The following GRID2 variants were observed in gnomAD, a reference collection of about 807,000 sequenced individuals.
The protein encoded by GRID2 is glutamate receptor ionotropic, delta-2.
GRID2 carries 33 observed loss-of-function variants against 114.8 expected under a neutral mutation model. That is an observed-to-expected ratio of 0.29 (90% confidence interval 0.22 to 0.38). The LOEUF (loss-of-function observed/expected upper bound fraction) is 0.38. GRID2 is among the 10% of genes least tolerant of loss of function. The pLI, the probability that GRID2 is intolerant of heterozygous loss-of-function variation, is 1.00. For missense variants in GRID2, 1,184 were observed against 1,257.7 expected (o/e 0.94, Z 0.89); for synonymous variants, 505 against 449.9 (o/e 1.12, Z -1.55).
At position 93,407,220 on chromosome 4, in the gene GRID2, G is replaced by C. The variant is rs566116078; in HGVS notation, c.1347+11512G>C. 2.0e-5 allele frequency among the ~76,000 whole-genome samples: 3 copies of C among 152,230 alleles called. No individual in the cohort carries two copies. The East Asian group carries it at 5.8e-4, about 29-fold the overall frequency. On this transcript the variant is annotated intron_variant, in intron 9 of 15. Transcript: ENST00000282020. ...CTGCATTACATGGTACTCTAGGAGA[G>C]TCTGAAATGAGAATAGATATCTTCA... is the stretch of plus-strand genomic sequence containing the variant.
intron 2 of GRID2, among the ~76,000 whole-genome samples, chr4:93,056,254 T>C (rs1347318428): frequency 1.3e-5 from 2 of 152,068 alleles, no homozygotes; most frequent in East Asian, 3.9e-4. Context: ...GATCTGCACA[T>C]TGATTGTTTT....
chr4:92,691,869 T>C (rs1405856282), intron 2 of GRID2, among the ~76,000 whole-genome samples: 4 of 151,818 alleles, frequency 2.6e-5, no homozygotes, highest in Non-Finnish European at 5.9e-5. Context: ...ATAACCATTA[T>C]ATTTTGAGGC....
intron 4 of GRID2, among the ~76,000 whole-genome samples, chr4:93,188,220 T>C (rs562233514): frequency 1.3e-5 from 2 of 152,338 alleles, no homozygotes; most frequent in South Asian, 4.1e-4. Context: ...TCAGACTCTC[T>C]GGAGCTTCAT....
chr4:93,139,526 C>A lies in GRID2; in HGVS notation c.735+28573C>A, dbSNP rs76492251. On this transcript the variant is annotated intron_variant, in intron 4 of 15. Transcript: ENST00000282020. The stretch of plus-strand genomic sequence containing the variant: ...GATTCTCCCCAAGTCTAGTTAGAAA[C>A]TTCCTCCTTTGCTTTTCCATAGTCC... 2.3e-3 allele frequency among the ~76,000 whole-genome samples: 348 copies of A among 152,250 alleles called. 1 individual carries two copies. The highest frequency in any genetic ancestry group is 7.9e-3 in the African/African-American group (330 of 41,548).
rs1025074991 is a variant in GRID2, at chr4:93,588,859, C to A, written c.2194-37410C>A. 4.6e-5 allele frequency among the ~76,000 whole-genome samples: 7 copies of A among 152,008 alleles called. 1 individual carries two copies. The highest frequency in any genetic ancestry group is 1.0e-4 in the Non-Finnish European group (7 of 67,996). On this transcript the variant is annotated intron_variant, in intron 13 of 15. Coordinates refer to ENST00000282020, the MANE Select transcript of GRID2 (RefSeq NM_001510.4). ...AATCAGAACATTTGACAACACTGGA[C>A]CTGCTTTCCAGCTATACAACAAGCA...
intron 2 of GRID2, among the ~76,000 whole-genome samples, chr4:92,694,328 C>T (rs1734325925): frequency 1.3e-5 from 2 of 152,116 alleles, no homozygotes; most frequent in African/African-American, 4.8e-5. Flanking sequence ...TCTCCTGAGC[C>T]TGCTCCCTAC....
intron 2 of GRID2, among the ~76,000 whole-genome samples, chr4:92,909,121 T>G (rs533220329): frequency 1.3e-5 from 2 of 152,182 alleles, no homozygotes; most frequent in Non-Finnish European, 2.9e-5. Flanking sequence ...CCTTATCATA[T>G]CTTTAAAAGA....
At chr4:92,857,186 T>G (rs950167945) in intron 2 of GRID2, among the ~76,000 whole-genome samples, 15 of 152,146 alleles carry the variant, frequency 9.9e-5, no homozygotes, top group African/African-American at 3.6e-4. Flanking sequence ...AAGGTTGAAA[T>G]TGGGCCAATT....
chr4:93,180,070 T>G (rs1363563012), intron 4 of GRID2, among the ~76,000 whole-genome samples: 1 of 152,152 alleles, frequency 6.6e-6, no homozygotes, highest in Non-Finnish European at 1.5e-5. Flanking sequence ...AATCATCATT[T>G]ACCCAGTTAC....
At chr4:92,574,173 C>A in intron 1 of GRID2, among the ~76,000 whole-genome samples, 2 of 151,936 alleles carry the variant, frequency 1.3e-5, no homozygotes, top group South Asian at 4.2e-4. Flanking sequence ...TTTCCTCCAA[C>A]GCCTATGTGT....
At chr4:93,748,049 G>A (rs759847802) in intron 14 of GRID2, among the ~76,000 whole-genome samples, 23 of 151,986 alleles carry the variant, frequency 1.5e-4, no homozygotes, top group Admixed American at 6.6e-4. Context: ...AAGGAAATTC[G>A]ATAAACATTT....
At chr4:93,685,430 C>G (rs1039174711) in intron 14 of GRID2, among the ~76,000 whole-genome samples, 3 of 152,040 alleles carry the variant, frequency 2.0e-5, no homozygotes, top group Non-Finnish European at 2.9e-5. Flanking sequence ...ATTGCCAACT[C>G]TTTGAATTTC....
chr4:92,709,587 A>ATATATATATATATATAT (rs1296707680), intron 2 of GRID2, among the ~76,000 whole-genome samples: 1 of 119,892 alleles, frequency 8.3e-6, no homozygotes, highest in African/African-American at 3.3e-5. Context: ...AAAAAAAAAA[A>ATATATATATATATATAT]AAATATATAT....
chr4:92,736,559 A>AACCAAATACAAAAATATGCCATT lies in GRID2; in HGVS notation c.244+146285_244+146307dup, dbSNP rs1328736516. 2.0e-5 allele frequency among the ~76,000 whole-genome samples: 3 copies of AACCAAATACAAAAATATGCCATT among 152,098 alleles called. No individual in the cohort carries two copies. The East Asian group carries it at 5.8e-4, about 29-fold the overall frequency. On this transcript the variant is annotated intron_variant, in intron 2 of 15. Transcript: ENST00000282020. Reference sequence around the variant, plus strand: ...ATTCCTTTAACCTATCGAATGTCCTAACCAAATACAAAAATATGCCATTAC... The same window carrying AACCAAATACAAAAATATGCCATT: ...ATTCCTTTAACCTATCGAATGTCCTAACCAAATACAAAAATATGCCATTACCAAATACAAAAATATGCCATTAC...
At chr4:92,681,803 A>C (rs1173800352) in intron 2 of GRID2, among the ~76,000 whole-genome samples, 1 of 152,192 alleles carries the variant, frequency 6.6e-6, no homozygotes, top group Non-Finnish European at 1.5e-5. Context: ...TGGTTTGTTG[A>C]TTTAAAAATG....
intron 14 of GRID2, among the ~76,000 whole-genome samples, chr4:93,650,378 A>ATT (rs67022659): frequency 6.6e-5 from 10 of 151,736 alleles, no homozygotes; most frequent in Non-Finnish European, 1.2e-4. Context: ...AAAAGCATAG[A>ATT]TTTTTTTTTA....
At chr4:93,576,007 C>T (rs1042917249) in intron 13 of GRID2, among the ~76,000 whole-genome samples, 2 of 152,074 alleles carry the variant, frequency 1.3e-5, no homozygotes, top group Non-Finnish European at 2.9e-5. Flanking sequence ...GAGTTAAATA[C>T]ATTTTAAAAT....
In GRID2 at chr4:93,172,505, T is replaced by A. The variant is rs186924063; in HGVS notation, c.736-34899T>A. On this transcript the variant is annotated intron_variant, in intron 4 of 15. Coordinates refer to ENST00000282020, the MANE Select transcript of GRID2 (RefSeq NM_001510.4). Reference sequence around the variant, plus strand: ...TACTTGGAAGGCTGAGGCAGGAGAATCACTTGAACCTGGGAGGCACAGGTT... The same window carrying A: ...TACTTGGAAGGCTGAGGCAGGAGAAACACTTGAACCTGGGAGGCACAGGTT... Among the ~76,000 whole-genome samples, 471 of 151,584 alleles carry A rather than the reference T, an allele frequency of 3.1e-3. 5 individuals carry two copies. The highest frequency in any genetic ancestry group is 0.027 in the South Asian group (132 of 4,806).
chr4:92,981,941 A>T (rs1754237042), intron 2 of GRID2, among the ~76,000 whole-genome samples: 2 of 151,214 alleles, frequency 1.3e-5, no homozygotes, highest in Admixed American at 6.6e-5. Context: ...GAGTTTGCCC[A>T]GGACAAACTG....
Sources: gnomAD v4.1 joint callset for allele counts (sites outside exome capture counted in the v4.1 genomes callset) on GRCh38, gnomAD v4.1.1 for gene constraint, MANE v1.5 for transcripts, NCBI Gene and HGNC (gene_info 2026-07-23, HGNC 2026-07-21) for gene names.